Variants in IQGAP2 observed in about 807,000 individuals in gnomAD.
IQGAP2 encodes the protein ras GTPase-activating-like protein IQGAP2.
In IQGAP2, 173 loss-of-function variants were observed where a neutral mutation model predicts 201.3. The ratio of observed to expected loss-of-function variants is 0.86; its 90% CI spans 0.76 to 0.98. The LOEUF (loss-of-function observed/expected upper bound fraction) is 0.98, where lower values mean the gene tolerates loss of function less well. IQGAP2 is among the 50% of genes least tolerant of loss of function. The pLI is 0.00. For missense variants in IQGAP2, 1,687 were observed against 1,864.8 expected (o/e 0.90, Z 1.76); for synonymous variants, 675 against 673.9 (o/e 1.00, Z -0.03).
At chr5:76,693,218 C>T (rs575619636) in intron 30 of IQGAP2, 137 bp from the exon 31 acceptor site, 12 of 586,484 alleles carry the variant, frequency 2.0e-5, no homozygotes, top group African/African-American at 1.1e-4. Context: ...GGTGAATATC[C>T]GCAAGAATGT....
At chr5:76,545,796 T>C (rs1233766533) in intron 2 of IQGAP2, among the ~76,000 whole-genome samples, 2 of 152,226 alleles carry the variant, frequency 1.3e-5, no homozygotes, top group Non-Finnish European at 2.9e-5. Flanking sequence ...AAAAAGTGCA[T>C]GTACTTTTGT....
chr5:76,614,449 G>A (rs951777095), intron 13 of IQGAP2, among the ~76,000 whole-genome samples: 2 of 152,064 alleles, frequency 1.3e-5, no homozygotes. Flanking sequence ...AGGTCCAAGC[G>A]ATGAATCATA....
intron 31 of IQGAP2, 126 bp from the exon 32 acceptor site, chr5:76,695,328 G>A (rs1254933726): frequency 1.4e-6 from 1 of 712,204 alleles, no homozygotes; most frequent in Non-Finnish European, 2.4e-6. Context: ...AACATGTTCT[G>A]GTTCTAGTCT....
intron 13 of IQGAP2, among the ~76,000 whole-genome samples, chr5:76,626,491 G>A (rs147457960): frequency 0.018 from 2,770 of 151,828 alleles, 30 homozygotes; most frequent in Non-Finnish European, 0.026. Context: ...GGCTGGTCTC[G>A]AACTCCTGAC....
intron 11 of IQGAP2, among the ~76,000 whole-genome samples, chr5:76,605,756 A>G (rs1359740762): frequency 6.6e-6 from 1 of 152,230 alleles, no homozygotes; most frequent in Non-Finnish European, 1.5e-5. Flanking sequence ...AACAAGAGAA[A>G]TAATGAAAAG....
intron 17 of IQGAP2, among the ~76,000 whole-genome samples, chr5:76,644,333 TC>T (rs1317702948): frequency 7.2e-6 from 1 of 138,962 alleles, no homozygotes; most frequent in Non-Finnish European, 1.5e-5. Flanking sequence ...AGAGTCTTGC[TC>T]TGTCGCCCAG....
At chr5:76,500,149 A>AG (rs1260550311) in intron 2 of IQGAP2, among the ~76,000 whole-genome samples, 2 of 152,130 alleles carry the variant, frequency 1.3e-5, no homozygotes, top group East Asian at 1.9e-4. Flanking sequence ...ATCTATTGAA[A>AG]GGGGGAAAAA....
At chr5:76,491,909 G>A (rs970980344) in intron 2 of IQGAP2, among the ~76,000 whole-genome samples, 5 of 152,058 alleles carry the variant, frequency 3.3e-5, no homozygotes, top group Non-Finnish European at 7.4e-5. Context: ...CATTTGTTCT[G>A]CACCTCCCAT....
At chr5:76,674,760 A>G (rs1744656663) in intron 27 of IQGAP2, 51 bp downstream of exon 27, 1 of 1,311,768 alleles carries the variant, frequency 7.6e-7, no homozygotes, top group Non-Finnish European at 1.1e-6. Flanking sequence ...GTAGGCAAGA[A>G]TAATATGTGC....
intron 3 of IQGAP2, among the ~76,000 whole-genome samples, chr5:76,566,276 T>C (rs1166947615): frequency 1.3e-5 from 2 of 152,072 alleles, no homozygotes; most frequent in Admixed American, 6.6e-5. Context: ...GCCAGTGTTA[T>C]GGGTAGATAG....
intron 15 of IQGAP2, among the ~76,000 whole-genome samples, chr5:76,632,319 G>C (rs1750778422): frequency 6.6e-6 from 1 of 152,160 alleles, no homozygotes. Flanking sequence ...GAGTAGACCA[G>C]TGATATAAAC....
At chr5:76,690,079 C>A (rs1746133281) in intron 30 of IQGAP2, among the ~76,000 whole-genome samples, 2 of 152,132 alleles carry the variant, frequency 1.3e-5, no homozygotes, top group Admixed American at 6.5e-5. Context: ...GAGAGCAAGA[C>A]CCGTGGTTTG....
intron 2 of IQGAP2, among the ~76,000 whole-genome samples, chr5:76,529,726 T>TG (rs957871749): frequency 6.6e-6 from 1 of 151,230 alleles, no homozygotes; most frequent in African/African-American, 2.4e-5. Flanking sequence ...GACTTGAAAT[T>TG]GGGGGAAATT....
At chr5:76,511,167 T>G (rs1157397400) in intron 2 of IQGAP2, among the ~76,000 whole-genome samples, 2 of 152,242 alleles carry the variant, frequency 1.3e-5, no homozygotes, top group Non-Finnish European at 2.9e-5. Context: ...TTGCGATGGT[T>G]TAAACAAACA....
chr5:76,434,010 C>T lies in IQGAP2; in HGVS notation c.47-27560C>T, dbSNP rs562958248. Among the ~76,000 whole-genome samples the T allele has an allele frequency of 6.4e-4, 97 of 152,160 alleles. 1 individual carries two copies. The South Asian group carries it at 0.019, about 30-fold the overall frequency. ...TCAACTCCTGTGGTTCAGAGTTTTT[C>T]GTTACTTTCTTTTAGAATTGCCATC... On this transcript the variant is annotated intron_variant, in intron 1 of 35. Coordinates refer to ENST00000274364, the MANE Select transcript of IQGAP2 (RefSeq NM_006633.5).
At chr5:76,673,755 A>T in intron 25 of IQGAP2, 166 bp downstream of exon 25, 1 of 759,720 alleles carries the variant, frequency 1.3e-6, no homozygotes, top group Non-Finnish European at 2.2e-6. Context: ...TTCTCTAAAG[A>T]AGGGGCAATA....
chr5:76,494,352 T>A (rs1756748167), intron 2 of IQGAP2, among the ~76,000 whole-genome samples: 1 of 152,336 alleles, frequency 6.6e-6, no homozygotes, highest in African/African-American at 2.4e-5. Flanking sequence ...CGATTTGTAA[T>A]CTGCAAGGCT....
intron 30 of IQGAP2, among the ~76,000 whole-genome samples, chr5:76,685,365 A>C (rs1396088540): frequency 6.6e-6 from 1 of 152,202 alleles, no homozygotes; most frequent in East Asian, 1.9e-4. Flanking sequence ...TGTCCTTTAG[A>C]AGTAATGGGA....
chr5:76,623,192 AAGCAGGAGGCC>A (rs777637035), intron 13 of IQGAP2: 3 of 1,614,218 alleles, frequency 1.9e-6, no homozygotes. Flanking sequence ...TGGGCAACAG[AAGCAGGAGGCC>A]AGCAGCTGCA....
Sources: gnomAD v4.1 joint callset for allele counts (sites outside exome capture counted in the v4.1 genomes callset) on GRCh38, gnomAD v4.1.1 for gene constraint, MANE v1.5 for transcripts, NCBI Gene and HGNC (gene_info 2026-07-23, HGNC 2026-07-21) for gene names.